The following SPHKAP variants were observed in gnomAD, a reference collection of about 807,000 sequenced individuals.
The protein encoded by SPHKAP is SPHK1 interactor, AKAP domain containing, also known as A-kinase anchor protein SPHKAP.
In SPHKAP, 67 loss-of-function variants were observed where a neutral mutation model predicts 137.5. The ratio of observed to expected loss-of-function variants is 0.49; its 90% CI spans 0.40 to 0.60. SPHKAP has a LOEUF of 0.60. SPHKAP is among the 20% of genes least tolerant of loss of function. SPHKAP has a pLI of 0.00. For missense variants in SPHKAP, 2,097 were observed against 2,069.3 expected, an observed-to-expected ratio of 1.01 and a Z score of -0.26; for synonymous variants, 813 against 785.3, an observed-to-expected ratio of 1.04 and a Z score of -0.59.
intron 1 of SPHKAP, among the ~76,000 whole-genome samples, chr2:228,157,360 C>T (rs1700136331): frequency 1.3e-5 from 2 of 152,070 alleles, no homozygotes; most frequent in Admixed American, 6.6e-5. Flanking sequence ...AAAATACTGC[C>T]TACACAGCAC....
At chr2:228,049,116 A>T in intron 3 of SPHKAP, among the ~76,000 whole-genome samples, 1 of 152,172 alleles carries the variant, frequency 6.6e-6, no homozygotes, top group Non-Finnish European at 1.5e-5. Context: ...AAAATGGGGA[A>T]AACAACAGTA....
chr2:228,027,695 C>G (rs1355270682), intron 3 of SPHKAP, 152 bp from the exon 4 acceptor site: 1 of 790,518 alleles, frequency 1.3e-6, no homozygotes, highest in Non-Finnish European at 2.0e-6. Context: ...AGGGCGGGCG[C>G]AGTGGCTTAT....
intron 5 of SPHKAP, 43 bp downstream of exon 5, chr2:228,025,351 C>T (rs75064884): frequency 1.1e-4 from 175 of 1,609,402 alleles, no homozygotes; most frequent in Non-Finnish European, 1.4e-4. Context: ...GCTGAGCTAA[C>T]TATAGATGTA....
chr2:228,030,557 T>TA (rs1327038397), intron 3 of SPHKAP, among the ~76,000 whole-genome samples: 1 of 83,372 alleles, frequency 1.2e-5, no homozygotes, highest in East Asian at 3.3e-4. Context: ...AAAAAAAAAA[T>TA]AAAAAAATTA....
chr2:228,102,313 C>A (rs1181804520), intron 3 of SPHKAP, among the ~76,000 whole-genome samples: 1 of 151,784 alleles, frequency 6.6e-6, no homozygotes, highest in Admixed American at 6.6e-5. Flanking sequence ...GAAGTACAGA[C>A]ATTTTAAAAT....
At chr2:228,033,521 A>G (rs34666453) in intron 3 of SPHKAP, among the ~76,000 whole-genome samples, 35,798 of 152,112 alleles carry the variant, frequency 0.24, 4,570 homozygotes, top group South Asian at 0.43. Context: ...TCTCTGCAGC[A>G]AGCAGACCTA....
At position 228,018,445 on chromosome 2, in the gene SPHKAP, G is replaced by T. The variant is rs140730293; in HGVS notation, c.2409C>A (p.Gly803=). 1 of 1,614,056 alleles carries T rather than the reference G, an allele frequency of 6.2e-7. No homozygotes were observed. The highest frequency in any genetic ancestry group is 8.5e-7 in the Non-Finnish European group (1 of 1,179,954). The change falls in exon 7 of 12, where the codon GGC becomes GGA. Residue 803 remains glycine (G), a synonymous_variant. Transcript: ENST00000392056. The part of the protein sequence containing the change: ...SKQDKGGVRP[G]LFKNPTLQSQ... ...ACTGCAGCGTGGGGTTCTTGAAGAG[G>T]CCTGGCCTCACTCCACCCTTGTCTT...
chr2:228,037,175 A>G (rs923847876), intron 3 of SPHKAP, among the ~76,000 whole-genome samples: 1 of 152,134 alleles, frequency 6.6e-6, no homozygotes, highest in Non-Finnish European at 1.5e-5. Flanking sequence ...CTCTAAAGAC[A>G]TAATTTGGAT....
chr2:227,985,532 C>T (rs957218734), intron 11 of SPHKAP, among the ~76,000 whole-genome samples: 1 of 152,092 alleles, frequency 6.6e-6, no homozygotes, highest in African/African-American at 2.4e-5. Context: ...TAGCAAGTCA[C>T]GATCTGAGTT....
chr2:228,142,859 A>T (rs560508525), intron 1 of SPHKAP, among the ~76,000 whole-genome samples: 1 of 152,326 alleles, frequency 6.6e-6, no homozygotes, highest in East Asian at 1.9e-4. Context: ...AATAAAAGTT[A>T]AAAAATGAGT....
chr2:227,981,421 G>A lies in SPHKAP; in HGVS notation c.*296C>T. 1 of 227,570 alleles carries A rather than the reference G, an allele frequency of 4.4e-6. No individual in the cohort carries two copies. Among genetic ancestry groups the A allele is most frequent in the Non-Finnish European group, 8.5e-6 (1 of 118,336 alleles). 14.1% of individuals were successfully genotyped at this position (227,570 alleles called of 1,614,324 possible). On this transcript the variant is annotated 3_prime_UTR_variant, in exon 12 of 12. Transcript: ENST00000392056. ...AACTTATGTGAGTGTTGTTTTCCTG[G>A]AGATTGGGTCTCATTATAAGCATTC...
intron 8 of SPHKAP, 50 bp downstream of exon 8, chr2:227,995,459 A>G: frequency 6.2e-7 from 1 of 1,605,360 alleles, no homozygotes; most frequent in Non-Finnish European, 8.5e-7. Context: ...GCATTTTTAG[A>G]ATCTGTGTTG....
chr2:228,132,105 C>CA lies in SPHKAP; in HGVS notation c.33-21dup, dbSNP rs1559190924. ...AAGTTGCTGTTTGTGACCCAAAACA[C>CA]AAAAACACATTCCAGTGAGTCATAT... On this transcript the variant is annotated intron_variant, in intron 1 of 11. Transcript: ENST00000392056. 6.3e-7 allele frequency: 1 copy of CA among 1,583,898 alleles called. No individual in the cohort carries two copies. The highest frequency in any genetic ancestry group is 8.7e-7 in the Non-Finnish European group (1 of 1,153,916).
intron 3 of SPHKAP, chr2:228,027,970 AAAAAAAG>A (rs1034890683): frequency 1.0e-5 from 10 of 973,188 alleles, no homozygotes; most frequent in African/African-American, 3.5e-5. Flanking sequence ...GAAAAAAAAA[AAAAAAAG>A]AAAAAAGAAA....
At chr2:228,122,956 C>T (rs938363115) in intron 2 of SPHKAP, among the ~76,000 whole-genome samples, 4 of 152,140 alleles carry the variant, frequency 2.6e-5, no homozygotes, top group African/African-American at 7.2e-5. Flanking sequence ...ACATCTTAGC[C>T]TAAGTAGTCA....
chr2:228,049,836 T>C (rs1213094793), intron 3 of SPHKAP, among the ~76,000 whole-genome samples: 2 of 152,246 alleles, frequency 1.3e-5, no homozygotes, highest in African/African-American at 4.8e-5. Flanking sequence ...TTCATTGTTT[T>C]TTTATGGCTG....
rs560151800 is a variant in SPHKAP, at chr2:228,009,033, G to A, written c.4448+7373C>T. Among the ~76,000 whole-genome samples the A allele has an allele frequency of 1.8e-4, 28 of 152,248 alleles. No homozygotes were observed. In the East Asian group the frequency reaches 3.7e-3, roughly 20 times the overall value. On this transcript the variant is annotated intron_variant, in intron 7 of 11. Transcript: ENST00000392056. Reference sequence around the variant, plus strand: ...AATAACTTGCTGGGATTTTGATTGGGATTGTAATGAATCTATAGATTCAAC... The same window carrying A: ...AATAACTTGCTGGGATTTTGATTGGAATTGTAATGAATCTATAGATTCAAC...
intron 1 of SPHKAP, among the ~76,000 whole-genome samples, chr2:228,180,814 G>A (rs1332871331): frequency 6.6e-6 from 1 of 152,212 alleles, no homozygotes; most frequent in Non-Finnish European, 1.5e-5. Flanking sequence ...GCAAAGGACT[G>A]AGTTAGAAGG....
chr2:228,042,081 G>A (rs1469299347), intron 3 of SPHKAP, among the ~76,000 whole-genome samples: 1 of 152,110 alleles, frequency 6.6e-6, no homozygotes, highest in Non-Finnish European at 1.5e-5. Context: ...AAACAAACAA[G>A]AACAACATAA....
Sources: allele counts gnomAD v4.1 joint callset (sites outside exome capture counted in the v4.1 genomes callset), GRCh38; gene constraint gnomAD v4.1.1; transcripts MANE v1.5; gene names NCBI Gene and HGNC (gene_info 2026-07-23, HGNC 2026-07-21).